The following WDR7 variants were observed in gnomAD, a reference collection of about 807,000 sequenced individuals.
WDR7 encodes WD repeat-containing protein 7.
Under a neutral mutation model 169.4 loss-of-function variants are expected in WDR7, and 46 were observed. The ratio of observed to expected loss-of-function variants is 0.27; its 90% confidence interval spans 0.21 to 0.35. The LOEUF (loss-of-function observed/expected upper bound fraction) is 0.35. Among genes scored for constraint, WDR7 ranks in the 10% least tolerant of loss-of-function variants. The pLI is 1.00. For synonymous variants in WDR7, 612 were observed against 666.8 expected (o/e 0.92, Z 1.27); for missense variants, 1,534 against 1,859.3 (o/e 0.83, Z 3.22).
At chr18:56,937,521 C>A (rs2046976719) in intron 23 of WDR7, among the ~76,000 whole-genome samples, 1 of 152,092 alleles carries the variant, frequency 6.6e-6, no homozygotes, top group African/African-American at 2.4e-5. Flanking sequence ...TGCCTACTAC[C>A]TTATGGCTCT....
chr18:56,742,952 T>A (rs2043643354), intron 14 of WDR7, among the ~76,000 whole-genome samples: 1 of 147,270 alleles, frequency 6.8e-6, no homozygotes, highest in South Asian at 2.2e-4. Flanking sequence ...TTAAAAAAAA[T>A]TAGCTTCGTA....
chr18:56,772,586 A>G (rs1046406772), intron 16 of WDR7, among the ~76,000 whole-genome samples: 5 of 152,172 alleles, frequency 3.3e-5, no homozygotes, highest in African/African-American at 1.2e-4. Context: ...CAAGGAAAGA[A>G]GTATGATCTT....
chr18:56,952,711 C>T (rs2047199804), intron 25 of WDR7, among the ~76,000 whole-genome samples: 1 of 152,098 alleles, frequency 6.6e-6, no homozygotes, highest in Non-Finnish European at 1.5e-5. Flanking sequence ...TTTTTAAAAG[C>T]ATATTACCTC....
intron 1 of WDR7, among the ~76,000 whole-genome samples, chr18:56,658,998 G>A (rs1339838922): frequency 6.6e-6 from 1 of 152,146 alleles, no homozygotes. Flanking sequence ...TTATAGGCTT[G>A]AGCCACCGCG....
intron 17 of WDR7, among the ~76,000 whole-genome samples, chr18:56,778,764 A>G (rs1248092447): frequency 6.6e-6 from 1 of 152,216 alleles, no homozygotes; most frequent in Admixed American, 6.5e-5. Flanking sequence ...GTCATAGATT[A>G]GGTTTAACAA....
chr18:56,754,718 T>G (rs951535344), intron 14 of WDR7, among the ~76,000 whole-genome samples: 13 of 152,308 alleles, frequency 8.5e-5, no homozygotes, highest in African/African-American at 3.1e-4. Flanking sequence ...TGTTAGATAT[T>G]TAGGTGGTTT....
chr18:56,770,951 T>C (rs933643519), intron 16 of WDR7, among the ~76,000 whole-genome samples: 1 of 152,218 alleles, frequency 6.6e-6, no homozygotes, highest in Non-Finnish European at 1.5e-5. Context: ...ATCAGCACCA[T>C]GATGAATGGT....
intron 2 of WDR7, among the ~76,000 whole-genome samples, chr18:56,679,041 G>T (rs1262488239): frequency 1.3e-5 from 2 of 152,112 alleles, no homozygotes; most frequent in African/African-American, 4.8e-5. Flanking sequence ...CATAGCACTG[G>T]GTTTTGCTTA....
intron 21 of WDR7, among the ~76,000 whole-genome samples, chr18:56,905,658 AG>A (rs2046466095): frequency 6.6e-6 from 1 of 151,086 alleles, no homozygotes; most frequent in South Asian, 2.1e-4. Flanking sequence ...GAAATTATAC[AG>A]GTGCTAAAAG....
Position 56,776,853 on chromosome 18 carries a change from T to TTAC in WDR7, c.2921_2923dup (p.Leu974dup). 1 of 1,614,028 alleles carries TTAC rather than the reference T, an allele frequency of 6.2e-7. No individual in the cohort carries two copies. The highest frequency in any genetic ancestry group is 8.5e-7 in the Non-Finnish European group (1 of 1,179,890). On this transcript the variant is annotated inframe_insertion, in exon 17 of 28. Transcript: ENST00000254442. ...CTCTGACCCTCCTTCTGCTCCTGCTTTACATACCTGTTTCTTAGTAAATGA... is the reference window on the plus strand; with the variant it reads ...CTCTGACCCTCCTTCTGCTCCTGCTTTACTACATACCTGTTTCTTAGTAAATGA...
At chr18:56,779,908 A>C (rs747830061) in intron 18 of WDR7, among the ~76,000 whole-genome samples, 22 of 152,202 alleles carry the variant, frequency 1.4e-4, no homozygotes, top group Non-Finnish European at 2.6e-4. Flanking sequence ...CACATAAATT[A>C]AGTTCTAATT....
At chr18:56,905,768 A>G (rs898930189) in intron 21 of WDR7, among the ~76,000 whole-genome samples, 1 of 152,064 alleles carries the variant, frequency 6.6e-6, no homozygotes, top group African/African-American at 2.4e-5. Flanking sequence ...AAGCAAAATA[A>G]AAAGACAATA....
chr18:56,656,346 C>G (rs1451013479), intron 1 of WDR7, among the ~76,000 whole-genome samples: 4 of 147,918 alleles, frequency 2.7e-5, no homozygotes, highest in Admixed American at 6.8e-5. Flanking sequence ...GTGGCGCAAT[C>G]TTGGCTCAGT....
Position 56,931,384 on chromosome 18 carries a change from A to G in WDR7, c.3714-4404A>G, listed in dbSNP as rs535000536. On this transcript the variant is annotated intron_variant, in intron 22 of 27. Coordinates refer to ENST00000254442, the MANE Select transcript of WDR7 (RefSeq NM_015285.3). ...GACTTTAAAGATAACCAAATGCAGAATTAGACTTCATCTGTTGGGACTACC... is the reference window on the plus strand; with the variant it reads ...GACTTTAAAGATAACCAAATGCAGAGTTAGACTTCATCTGTTGGGACTACC... Among the ~76,000 whole-genome samples the G allele has an allele frequency of 9.2e-5, 14 of 152,362 alleles. No homozygotes were observed. The South Asian group carries it at 2.9e-3, about 32-fold the overall frequency.
At chr18:56,802,657 C>T (rs1005972723) in intron 19 of WDR7, among the ~76,000 whole-genome samples, 34 of 152,070 alleles carry the variant, frequency 2.2e-4, no homozygotes, top group African/African-American at 7.5e-4. Flanking sequence ...CATGAGCCAC[C>T]GCACCTGGCC....
chr18:56,950,969 AG>A (rs2047172620), intron 25 of WDR7, among the ~76,000 whole-genome samples: 1 of 152,154 alleles, frequency 6.6e-6, no homozygotes, highest in East Asian at 1.9e-4. Flanking sequence ...CTGTAGGCTC[AG>A]GGCCCATTAG....
intron 12 of WDR7, among the ~76,000 whole-genome samples, chr18:56,698,462 T>C (rs615678): frequency 0.15 from 23,322 of 151,190 alleles, 2,112 homozygotes; most frequent in African/African-American, 0.24. Flanking sequence ...AAAAATTAGC[T>C]GGGCATGGTG....
intron 25 of WDR7, among the ~76,000 whole-genome samples, chr18:56,940,522 G>C (rs1045598467): frequency 1.3e-5 from 2 of 152,292 alleles, no homozygotes; most frequent in African/African-American, 4.8e-5. Flanking sequence ...TGGCAAATTA[G>C]AATACAGCCG....
chr18:56,748,666 T>C (rs1248111237), intron 14 of WDR7, among the ~76,000 whole-genome samples: 2 of 152,128 alleles, frequency 1.3e-5, no homozygotes, highest in African/African-American at 4.8e-5. Flanking sequence ...TGAAAACATA[T>C]GAAAAGTCAA....
Sources: allele counts gnomAD v4.1 joint callset (sites outside exome capture counted in the v4.1 genomes callset), GRCh38; gene constraint gnomAD v4.1.1; transcripts MANE v1.5; gene names NCBI Gene and HGNC (gene_info 2026-07-23, HGNC 2026-07-21).